NUBPL: variants seen among roughly 807,000 people sequenced by gnomAD.
The protein encoded by NUBPL is iron-sulfur cluster transfer protein NUBPL.
A neutral mutation model predicts 45.7 loss-of-function variants in NUBPL; 31 were observed. The observed-to-expected ratio is 0.68, with a 90% CI of 0.51 to 0.92. The LOEUF (loss-of-function observed/expected upper bound fraction) is 0.92. Among genes scored for constraint, NUBPL ranks in the 40% least tolerant of loss-of-function variants. The pLI, the probability that NUBPL is intolerant of heterozygous loss-of-function variation, is 0.00. For synonymous variants in NUBPL, 144 were observed against 140.9 expected, an observed-to-expected ratio of 1.02 and a Z score of -0.15; for missense variants, 401 against 398.7, an observed-to-expected ratio of 1.01 and a Z score of -0.05.
At chr14:31,748,568 T>A (rs1423328159) in intron 6 of NUBPL, among the ~76,000 whole-genome samples, 2 of 152,068 alleles carry the variant, frequency 1.3e-5, no homozygotes, top group South Asian at 2.1e-4. Flanking sequence ...GGTCTTTTTT[T>A]AAAAGTCAAT....
intron 6 of NUBPL, among the ~76,000 whole-genome samples, chr14:31,684,689 A>G (rs2139842915): frequency 6.6e-6 from 1 of 152,296 alleles, no homozygotes; most frequent in East Asian, 1.9e-4. Flanking sequence ...AGCTTTATGT[A>G]GGATTCTCCT....
At chr14:31,853,501 G>A (rs1432169495) in intron 10 of NUBPL, among the ~76,000 whole-genome samples, 1 of 152,158 alleles carries the variant, frequency 6.6e-6, no homozygotes, top group Non-Finnish European at 1.5e-5. Context: ...AGCACCAGGT[G>A]TTAGGGCTCT....
rs574179270 is a variant in NUBPL, at chr14:31,629,372, A to C, written c.382+29993A>C. Among the ~76,000 whole-genome samples the C allele has an allele frequency of 1.3e-4, 20 of 152,326 alleles. No individual in the cohort carries two copies. In the East Asian group the frequency reaches 3.1e-3, roughly 23 times the overall value. On this transcript the variant is annotated intron_variant, in intron 4 of 10. Coordinates refer to ENST00000281081, the MANE Select transcript of NUBPL (RefSeq NM_025152.3). ...ATTAGGCACGGCACATTGTAAAAAA[A>C]GTTCTGGAGAGATTTGAACTAGGTC...
At chr14:31,668,788 G>A (rs965089822) in intron 4 of NUBPL, among the ~76,000 whole-genome samples, 1 of 152,188 alleles carries the variant, frequency 6.6e-6, no homozygotes, top group Non-Finnish European at 1.5e-5. Context: ...CCTTGGCTAA[G>A]GGAGGGAGGT....
At position 31,859,295 on chromosome 14, in the gene NUBPL, A is replaced by T. The variant is rs1458583199; in HGVS notation, c.*115A>T. 1.1e-6 allele frequency: 1 copy of T among 879,066 alleles called. No individual in the cohort carries two copies. The highest frequency in any genetic ancestry group is 1.9e-6 in the Non-Finnish European group (1 of 531,558). The allele number at this position is 879,066 out of a possible 1,614,324, so 54.5% of individuals were successfully genotyped here. The stretch of plus-strand genomic sequence containing the variant: ...TAGAAATCATAACTGTTTTATTTCT[A>T]AGGAAAGAATGTCTTCATATTTGAC... On this transcript the variant is annotated 3_prime_UTR_variant, in exon 11 of 11. Transcript: ENST00000281081.
intron 4 of NUBPL, among the ~76,000 whole-genome samples, chr14:31,647,799 C>G (rs906715475): frequency 1.3e-5 from 2 of 152,204 alleles, no homozygotes; most frequent in African/African-American, 4.8e-5. Context: ...AACTGATTGT[C>G]CACTTTGAAC....
rs1037198109 is a variant in NUBPL at position 31,846,151 on chromosome 14, C to T, written c.694-320C>T. On this transcript the variant is annotated intron_variant, in intron 8 of 10. Coordinates refer to ENST00000281081, the MANE Select transcript of NUBPL (RefSeq NM_025152.3). ...TGTCTAGAATTCCTGCTGTGGGCCT[C>T]ACCTCCTCATCACCCCACAACCTGA... The T allele has an allele frequency of 1.2e-5, 4 of 338,758 alleles. No homozygotes were observed. The Admixed American group carries it at 1.7e-4, about 15-fold the overall frequency. 21.0% of individuals were successfully genotyped at this position (338,758 alleles called of 1,614,324 possible).
intron 6 of NUBPL, among the ~76,000 whole-genome samples, chr14:31,759,522 T>C (rs2038751028): frequency 6.6e-6 from 1 of 152,116 alleles, no homozygotes; most frequent in Non-Finnish European, 1.5e-5. Context: ...ATAAAGCTAA[T>C]TAATTACCTC....
chr14:31,736,593 T>C (rs772239155), intron 6 of NUBPL, among the ~76,000 whole-genome samples: 41 of 152,338 alleles, frequency 2.7e-4, no homozygotes, highest in Admixed American at 5.2e-4. Flanking sequence ...TACTACAAAA[T>C]GTCCATTCTC....
At chr14:31,630,372 A>G (rs1256596155) in intron 4 of NUBPL, among the ~76,000 whole-genome samples, 1 of 152,132 alleles carries the variant, frequency 6.6e-6, no homozygotes, top group African/African-American at 2.4e-5. Context: ...ATATTTGTTT[A>G]TTCTTTATTC....
chr14:31,824,649 G>A (rs1164966559), intron 7 of NUBPL, among the ~76,000 whole-genome samples: 1 of 152,110 alleles, frequency 6.6e-6, no homozygotes, highest in African/African-American at 2.4e-5. Context: ...CATGTGCTTT[G>A]TGATAACTTA....
At chr14:31,581,670 A>G (rs979372921) in intron 3 of NUBPL, among the ~76,000 whole-genome samples, 11 of 152,224 alleles carry the variant, frequency 7.2e-5, no homozygotes, top group Admixed American at 3.9e-4. Context: ...GTTAAAAATC[A>G]GTTCTCCTTT....
chr14:31,627,482 A>C (rs1020752508), intron 4 of NUBPL, among the ~76,000 whole-genome samples: 1 of 151,990 alleles, frequency 6.6e-6, no homozygotes, highest in African/African-American at 2.4e-5. Context: ...GTCTTTCATG[A>C]TGTTAAAAAT....
intron 10 of NUBPL, among the ~76,000 whole-genome samples, chr14:31,853,770 T>C (rs2040576562): frequency 1.3e-5 from 2 of 152,034 alleles, no homozygotes; most frequent in South Asian, 4.2e-4. Context: ...CAAGTAAGAC[T>C]CCAAATGTGA....
At chr14:31,820,592 G>T (rs1009703954) in intron 7 of NUBPL, among the ~76,000 whole-genome samples, 1 of 152,184 alleles carries the variant, frequency 6.6e-6, no homozygotes. Flanking sequence ...GGGAGGCAGA[G>T]ACAGGTGGAT....
At chr14:31,595,159 G>C (rs1307091085) in intron 3 of NUBPL, among the ~76,000 whole-genome samples, 1 of 152,086 alleles carries the variant, frequency 6.6e-6, no homozygotes, top group East Asian at 1.9e-4. Context: ...TCTTGCAGTA[G>C]TAGTGAAACA....
intron 4 of NUBPL, among the ~76,000 whole-genome samples, chr14:31,645,772 A>ACCCC (rs138329842): frequency 1.5e-4 from 13 of 86,244 alleles, no homozygotes; most frequent in South Asian, 5.0e-4. Flanking sequence ...TCTATACTTT[A>ACCCC]CACCCCCCCC....
chr14:31,563,317 G>C (rs940712417), intron 2 of NUBPL, among the ~76,000 whole-genome samples: 1 of 152,212 alleles, frequency 6.6e-6, no homozygotes, highest in African/African-American at 2.4e-5. Context: ...TGTTGGGTCT[G>C]TAGGCTGGCA....
intron 4 of NUBPL, among the ~76,000 whole-genome samples, chr14:31,644,819 T>C (rs2035799512): frequency 6.6e-6 from 1 of 152,184 alleles, no homozygotes; most frequent in Admixed American, 6.5e-5. Context: ...CTTTATATGC[T>C]TGGGTACTGG....
Sources: allele counts gnomAD v4.1 joint callset (sites outside exome capture counted in the v4.1 genomes callset), GRCh38; gene constraint gnomAD v4.1.1; transcripts MANE v1.5; gene names NCBI Gene and HGNC (gene_info 2026-07-23, HGNC 2026-07-21).